The following KHDRBS2 variants were observed in gnomAD, a reference collection of about 807,000 sequenced individuals.
The protein encoded by KHDRBS2 is KH RNA binding domain containing, signal transduction associated 2.
KHDRBS2 carries 26 observed loss-of-function variants against 44.3 expected under a neutral mutation model. That is an observed-to-expected ratio of 0.59 (90% CI 0.43 to 0.81). The LOEUF (loss-of-function observed/expected upper bound fraction) is 0.81. KHDRBS2 is among the 40% of genes least tolerant of loss of function. The pLI, the probability that KHDRBS2 is intolerant of heterozygous loss-of-function variation, is 0.00. For synonymous variants in KHDRBS2, 194 were observed against 151.1 expected (o/e 1.28, Z -2.08); for missense variants, 476 against 433.1 (o/e 1.10, Z -0.88).
the KHDRBS2 span, among the ~76,000 whole-genome samples, chr6:61,570,126 C>A: frequency 1.4e-4 from 22 of 151,998 alleles, no homozygotes; most frequent in East Asian, 3.5e-3. Flanking sequence ...TAATAAGGTA[C>A]TCAAGGAGAT....
the KHDRBS2 span, among the ~76,000 whole-genome samples, chr6:61,550,766 C>CTTTTTTTTTTTTTTTTTTTTTTTTTTTT: frequency 8.5e-6 from 1 of 117,038 alleles, no homozygotes; most frequent in Non-Finnish European, 1.6e-5. Flanking sequence ...GAGATGGTAT[C>CTTTTTTTTTTTTTTTTTTTTTTTTTTTT]TTTTTTTTTT....
At chr6:62,061,462 G>A (rs1300426588) in intron 2 of KHDRBS2, among the ~76,000 whole-genome samples, 1 of 150,704 alleles carries the variant, frequency 6.6e-6, no homozygotes, top group African/African-American at 2.4e-5. Flanking sequence ...TGAAATTCTG[G>A]GTTCAAAATT....
At chr6:62,157,323 T>TAA in intron 2 of KHDRBS2, among the ~76,000 whole-genome samples, 1 of 148,840 alleles carries the variant, frequency 6.7e-6, no homozygotes, top group Non-Finnish European at 1.5e-5. Context: ...GAGACTCCTT[T>TAA]AAAAAAAAAA....
chr6:61,990,540 T>C (rs1775935595), intron 3 of KHDRBS2, among the ~76,000 whole-genome samples: 1 of 152,012 alleles, frequency 6.6e-6, no homozygotes, highest in African/African-American at 2.4e-5. Context: ...CTTCTAGAAG[T>C]AGAACTACAA....
intron 2 of KHDRBS2, among the ~76,000 whole-genome samples, chr6:62,133,077 T>C (rs1476002605): frequency 2.6e-5 from 4 of 152,228 alleles, no homozygotes; most frequent in African/African-American, 9.6e-5. Context: ...ACGGGCTTTT[T>C]TTTTAAATAA....
the KHDRBS2 span, among the ~76,000 whole-genome samples, chr6:61,596,162 C>T: frequency 2.0e-5 from 3 of 152,138 alleles, no homozygotes. Flanking sequence ...AAGACATAAG[C>T]TCACAGCAAG....
the KHDRBS2 span, among the ~76,000 whole-genome samples, chr6:61,651,198 T>C: frequency 6.6e-6 from 1 of 152,036 alleles, no homozygotes; most frequent in Non-Finnish European, 1.5e-5. Context: ...ACAAAGCCTA[T>C]GACTTAGGGA....
rs1782816350 is a variant in KHDRBS2, at chr6:61,780,784, A to G, written c.811-48020T>C. ...AAATAGTAAACCATTTATAATAAAT[A>G]TATACCTCTTGCTACCCACTGTTGC... On this transcript the variant is annotated intron_variant, in intron 6 of 8. Coordinates refer to ENST00000281156, the MANE Select transcript of KHDRBS2 (RefSeq NM_152688.4). 3.7e-5 allele frequency among the ~76,000 whole-genome samples: 5 copies of G among 135,532 alleles called. No homozygotes were observed. In the South Asian group the frequency reaches 1.3e-3, roughly 35 times the overall value. 88.9% of individuals were successfully genotyped at this position (135,532 alleles called of 152,430 possible).
chr6:61,831,945 A>G (rs1259207866), intron 6 of KHDRBS2, among the ~76,000 whole-genome samples: 1 of 152,188 alleles, frequency 6.6e-6, no homozygotes, highest in Non-Finnish European at 1.5e-5. Context: ...CACTAATAAA[A>G]AAGGAAAGTA....
chr6:62,035,956 C>A (rs1354763309), intron 3 of KHDRBS2, among the ~76,000 whole-genome samples: 1 of 151,992 alleles, frequency 6.6e-6, no homozygotes, highest in Non-Finnish European at 1.5e-5. Flanking sequence ...GTTAAATATA[C>A]TTTGATCAAT....
chr6:61,675,757 CTTTG>C (rs1270632471), downstream of KHDRBS2, among the ~76,000 whole-genome samples: 7 of 151,608 alleles, frequency 4.6e-5, no homozygotes, highest in African/African-American at 1.2e-4. Context: ...TACTAAAATA[CTTTG>C]TTTAGTTAGT....
At chr6:61,982,080 C>T (rs1773953805) in intron 3 of KHDRBS2, among the ~76,000 whole-genome samples, 1 of 152,110 alleles carries the variant, frequency 6.6e-6, no homozygotes, top group Non-Finnish European at 1.5e-5. Flanking sequence ...TTTTGTCATT[C>T]ATAGGTAGTT....
chr6:62,161,178 T>C (rs1224159750), intron 2 of KHDRBS2, among the ~76,000 whole-genome samples: 1 of 152,046 alleles, frequency 6.6e-6, no homozygotes, highest in African/African-American at 2.4e-5. Context: ...TGTCTTTGGA[T>C]ATAATGTGAG....
chr6:61,544,902 G>A, the KHDRBS2 span, among the ~76,000 whole-genome samples: 2 of 152,046 alleles, frequency 1.3e-5, no homozygotes, highest in Non-Finnish European at 2.9e-5. Flanking sequence ...GTCAGAGGAA[G>A]GGGAACATCA....
At chr6:61,956,496 C>T (rs1483362036) in intron 4 of KHDRBS2, among the ~76,000 whole-genome samples, 1 of 152,052 alleles carries the variant, frequency 6.6e-6, no homozygotes, top group Non-Finnish European at 1.5e-5. Flanking sequence ...TCTTTTTTTA[C>T]TTCTCCAGGA....
chr6:62,247,694 G>A (rs176604), intron 1 of KHDRBS2, among the ~76,000 whole-genome samples: 36,063 of 151,734 alleles, frequency 0.24, 5,980 homozygotes, highest in African/African-American at 0.48. Context: ...CCTACTTCCC[G>A]GAGCAATCAT....
At chr6:61,560,445 A>C in the KHDRBS2 span, among the ~76,000 whole-genome samples, 1 of 151,432 alleles carries the variant, frequency 6.6e-6, no homozygotes, top group Non-Finnish European at 1.5e-5. Context: ...TCTTAGGTTT[A>C]CTCCTTTGAG....
chr6:61,763,322 A>G (rs1418223570), intron 6 of KHDRBS2, among the ~76,000 whole-genome samples: 1 of 152,232 alleles, frequency 6.6e-6, no homozygotes, highest in Non-Finnish European at 1.5e-5. Context: ...ATGTTTATAC[A>G]TTAGGATTCT....
intron 2 of KHDRBS2, among the ~76,000 whole-genome samples, chr6:62,172,023 G>T (rs1272537902): frequency 6.6e-6 from 1 of 152,056 alleles, no homozygotes; most frequent in Non-Finnish European, 1.5e-5. Context: ...ACACAATCAA[G>T]TCTGCATAAT....
Sources: allele counts gnomAD v4.1 joint callset (sites outside exome capture counted in the v4.1 genomes callset), GRCh38; gene constraint gnomAD v4.1.1; transcripts MANE v1.5; gene names NCBI Gene and HGNC (gene_info 2026-07-23, HGNC 2026-07-21).